PTK2: variants seen among roughly 807,000 people sequenced by gnomAD.
PTK2 encodes the protein protein tyrosine kinase 2, also known as focal adhesion kinase 1.
PTK2 carries 45 observed loss-of-function variants against 150.1 expected under a neutral mutation model. The ratio of observed to expected loss-of-function variants is 0.30; its 90% CI spans 0.24 to 0.38. PTK2 has a LOEUF of 0.38. Among genes scored for constraint, PTK2 ranks in the 10% least tolerant of loss-of-function variants. PTK2 has a pLI of 1.00. For missense variants in PTK2, 919 were observed against 1,307.3 expected, an observed-to-expected ratio of 0.70 and a Z score of 4.58; for synonymous variants, 432 against 449.2, an observed-to-expected ratio of 0.96 and a Z score of 0.48.
At chr8:140,822,106 C>T (rs1463819996) in intron 8 of PTK2, 2 of 152,114 alleles carry the variant, frequency 1.3e-5, no homozygotes, top group African/African-American at 4.8e-5. Context: ...CAATATAGTA[C>T]CTTGGGACTT....
intron 17 of PTK2, 35 bp from the exon 21 acceptor site, chr8:140,746,895 T>C (rs2100059199): frequency 5.7e-6 from 6 of 1,057,324 alleles, no homozygotes; most frequent in African/African-American, 5.0e-5. Context: ...ATTCTTTCTT[T>C]TTTTTTTTTT....
At chr8:140,792,172 C>T (rs1048555982) in intron 13 of PTK2, among the ~76,000 whole-genome samples, 2 of 152,216 alleles carry the variant, frequency 1.3e-5, no homozygotes, top group Non-Finnish European at 2.9e-5. Context: ...CCACCATCCC[C>T]TGACAGGTAT....
chr8:140,974,254 T>C lies in PTK2; in HGVS notation c.-122+26871A>G, dbSNP rs1182444088. 3.9e-5 allele frequency among the ~76,000 whole-genome samples: 6 copies of C among 152,156 alleles called. No homozygotes were observed. In the East Asian group the frequency reaches 1.2e-3, roughly 29 times the overall value. On this transcript the variant is annotated intron_variant, in intron 1 of 31. Transcript: ENST00000522684. ...TCATCATGACAGCACGATTTAGGGA[T>C]TGTCTTACAACTCACTATTTACACA...
chr8:140,886,147 G>C (rs1017682846), intron 3 of PTK2, among the ~76,000 whole-genome samples: 1 of 152,164 alleles, frequency 6.6e-6, no homozygotes, highest in Non-Finnish European at 1.5e-5. Flanking sequence ...TATGGCTTGA[G>C]AGCAAAAGAG....
intron 29 of PTK2, chr8:140,670,044 C>G (rs939759236): frequency 6.1e-6 from 2 of 328,180 alleles, no homozygotes; most frequent in African/African-American, 4.2e-5. Context: ...GCAAGGTCAA[C>G]AGAATGAGAG....
rs869029677 is a variant in PTK2, at chr8:140,667,466, CTT to C, written c.2865+801_2865+802del. Among the ~76,000 whole-genome samples the C allele has an allele frequency of 8.5e-4, 46 of 54,168 alleles. No homozygotes were observed. The South Asian group carries it at 0.016, about 19-fold the overall frequency. 35.5% of individuals were successfully genotyped at this position (54,168 alleles called of 152,430 possible). The stretch of plus-strand genomic sequence containing the variant: ...CCTCTTTCTTTCTCTCTCTCTCTCT[CTT>C]TTTTTTTTTTTTTAAAGAGATGGGG... On this transcript the variant is annotated intron_variant, in intron 30 of 31. Coordinates refer to ENST00000522684, the Ensembl canonical transcript of PTK2.
At chr8:140,904,948 C>T (rs946021151) in intron 2 of PTK2, among the ~76,000 whole-genome samples, 4 of 152,126 alleles carry the variant, frequency 2.6e-5, no homozygotes. Context: ...AAAACCAGCT[C>T]CTGGATTCAT....
At position 140,861,275 on chromosome 8, in the gene PTK2, G is replaced by C. The variant is rs376570464; in HGVS notation, c.450+3037C>G. Among the ~76,000 whole-genome samples the C allele has an allele frequency of 1.5e-3, 223 of 152,316 alleles. 2 individuals carry two copies. Among genetic ancestry groups the C allele is most frequent in the African/African-American group, 5.2e-3 (216 of 41,564 alleles). ...GAGGCAGGGCGATTGCTTGAGCCCA[G>C]AAGTTCAAGGCTGCAGTGAGGTATA... On this transcript the variant is annotated intron_variant, in intron 5 of 31. Coordinates refer to ENST00000522684, the Ensembl canonical transcript of PTK2.
intron 1 of PTK2, among the ~76,000 whole-genome samples, chr8:140,960,425 G>T (rs2100182744): frequency 6.6e-6 from 1 of 151,956 alleles, no homozygotes; most frequent in African/African-American, 2.4e-5. Context: ...GGCCAGGCTG[G>T]TCTCAAATTC....
chr8:140,765,686 A>ATC (rs2100071891), intron 14 of PTK2, among the ~76,000 whole-genome samples: 2 of 152,176 alleles, frequency 1.3e-5, no homozygotes, highest in Admixed American at 1.3e-4. Context: ...CTCCCTCTTA[A>ATC]TCTGTTTTCA....
Position 140,732,581 on chromosome 8 carries a change from C to A in PTK2, c.2030+2670G>T, listed in dbSNP as rs766382211. ...GCAACACCGAGGTGAGTATGACCAT[C>A]CCTGTCCTCAAGGAGCTTCAGTCTA... On this transcript the variant is annotated intron_variant, in intron 22 of 31. Transcript: ENST00000522684. 1.9e-5 allele frequency: 10 copies of A among 530,478 alleles called. No homozygotes were observed. In the Admixed American group the frequency reaches 2.0e-4, roughly 10 times the overall value. The allele number at this position is 530,478 out of a possible 1,614,324, so 32.9% of individuals were successfully genotyped here. A position where few individuals can be genotyped will look rare whatever the true frequency, so the allele number is the denominator to read the frequency against.
At chr8:140,816,199 G>A (rs187234232) in intron 10 of PTK2, among the ~76,000 whole-genome samples, 1 of 152,186 alleles carries the variant, frequency 6.6e-6, no homozygotes, top group Non-Finnish European at 1.5e-5. Flanking sequence ...ATTTTAAATT[G>A]TAAGTGGCAA....
intron 2 of PTK2, among the ~76,000 whole-genome samples, chr8:140,900,478 T>C (rs2100157981): frequency 6.6e-6 from 1 of 152,048 alleles, no homozygotes; most frequent in East Asian, 1.9e-4. Flanking sequence ...TCCCAGCACT[T>C]TGGGAGGTCA....
intron 7 of PTK2, among the ~76,000 whole-genome samples, chr8:140,833,671 C>A (rs913391510): frequency 6.6e-6 from 1 of 152,042 alleles, no homozygotes. Context: ...GTCCTGTATG[C>A]GAATAAAACA....
At position 140,673,073 on chromosome 8, in the gene PTK2, A is replaced by G. The variant is rs916707083; in HGVS notation, c.2709+1225T>C. On this transcript the variant is annotated intron_variant, in intron 29 of 31. Coordinates refer to ENST00000522684, the Ensembl canonical transcript of PTK2. ...CTTAACCTGATATGACATTTTTCGG[A>G]TTTTAAGATGTCTTCCACTATAAGA... 3.3e-5 allele frequency among the ~76,000 whole-genome samples: 5 copies of G among 151,838 alleles called. No individual in the cohort carries two copies. The East Asian group carries it at 9.7e-4, about 29-fold the overall frequency.
intron 1 of PTK2, among the ~76,000 whole-genome samples, chr8:140,931,121 G>T (rs186921540): frequency 6.6e-6 from 1 of 151,122 alleles, no homozygotes; most frequent in East Asian, 1.9e-4. Flanking sequence ...TAAATACATG[G>T]TACAAAATTC....
chr8:140,806,653 C>T (rs1454202116), intron 10 of PTK2, among the ~76,000 whole-genome samples: 1 of 152,176 alleles, frequency 6.6e-6, no homozygotes, highest in African/African-American at 2.4e-5. Flanking sequence ...TTTCCTACAC[C>T]ACTTGTATGG....
At chr8:140,952,282 T>C (rs1329586647) in intron 1 of PTK2, among the ~76,000 whole-genome samples, 1 of 152,084 alleles carries the variant, frequency 6.6e-6, no homozygotes, top group East Asian at 1.9e-4. Flanking sequence ...AATGCACTGT[T>C]ATAGGAAGAA....
intron 29 of PTK2, among the ~76,000 whole-genome samples, chr8:140,670,885 T>TA: frequency 6.6e-6 from 1 of 152,348 alleles, no homozygotes; most frequent in Admixed American, 6.5e-5. Flanking sequence ...GTCACCTGTT[T>TA]AAAGCTTCTG....
Sources: allele counts gnomAD v4.1 joint callset (sites outside exome capture counted in the v4.1 genomes callset), GRCh38; gene constraint gnomAD v4.1.1; transcripts MANE v1.5; gene names NCBI Gene and HGNC (gene_info 2026-07-23, HGNC 2026-07-21).